TRIO: variants seen among roughly 807,000 people sequenced by gnomAD.
The protein encoded by TRIO is triple functional domain protein.
TRIO carries 58 observed loss-of-function variants against 351.9 expected under a neutral mutation model. The ratio of observed to expected loss-of-function variants is 0.16; its 90% confidence interval spans 0.13 to 0.21. TRIO has a LOEUF of 0.21. Ranked by LOEUF, TRIO falls within the 10% of genes least tolerant of loss-of-function variation. TRIO has a pLI of 1.00. For synonymous variants in TRIO, 1,758 were observed against 1,595.7 expected (o/e 1.10, Z -2.42); for missense variants, 3,201 against 4,027.8 (o/e 0.79, Z 5.56).
rs757595983 is a variant in TRIO at position 14,504,550 on chromosome 5, G to A, written c.8569G>A (p.Asp2857Asn). The A allele has an allele frequency of 1.2e-6, 2 of 1,614,024 alleles. No homozygotes were observed. Among genetic ancestry groups the A allele is most frequent in the East Asian group, 4.5e-5 (2 of 44,866 alleles). The change falls in exon 55 of 57, where the codon GAC (aspartate) becomes AAC (asparagine). Residue 2857 changes from aspartate to asparagine, a missense_variant. Physicochemically the swap from Asp to Asn is conservative, Grantham distance 23. This residue lies in a region of TRIO where 1,089 missense variants were observed against 954.9 expected (regional missense o/e 1.14). Coordinates refer to ENST00000344204, the MANE Select transcript of TRIO (RefSeq NM_007118.4). ...GCACCCCCTGCTTGTCGGCCTCCTCGACACCTTTGAGACCCCCACCAGCTA... is the reference window on the plus strand; with the variant it reads ...GCACCCCCTGCTTGTCGGCCTCCTCAACACCTTTGAGACCCCCACCAGCTA... ...LQHPLLVGLL[D>N]TFETPTSYIL... is the part of the protein sequence containing the mutation.
intron 1 of TRIO, among the ~76,000 whole-genome samples, chr5:14,260,240 C>T (rs1004568006): frequency 3.3e-5 from 5 of 152,106 alleles, no homozygotes; most frequent in African/African-American, 9.7e-5. Flanking sequence ...AAAAGTAACA[C>T]TTTTAAATGG....
At chr5:14,303,176 T>C (rs548228297) in intron 7 of TRIO, among the ~76,000 whole-genome samples, 86 of 123,550 alleles carry the variant, frequency 7.0e-4, no homozygotes, top group African/African-American at 2.3e-3. Flanking sequence ...TTGGGATGGC[T>C]GCCGCAGGAC....
intron 31 of TRIO, among the ~76,000 whole-genome samples, chr5:14,404,124 C>T (rs1364029846): frequency 2.0e-5 from 3 of 151,428 alleles, no homozygotes; most frequent in Admixed American, 6.6e-5. Context: ...GTAGAGGTAT[C>T]GTGCTGCTGG....
At chr5:14,318,279 CAAAAAAAAAAAAA>C (rs759632595) in intron 9 of TRIO, among the ~76,000 whole-genome samples, 1 of 46,478 alleles carries the variant, frequency 2.2e-5, no homozygotes, top group Non-Finnish European at 4.1e-5. Context: ...GACTCTATCT[CAAAAAAAAAAAAA>C]AAAAAAAAAA....
At chr5:14,448,417 C>G (rs1485560702) in intron 34 of TRIO, among the ~76,000 whole-genome samples, 3 of 152,244 alleles carry the variant, frequency 2.0e-5, no homozygotes, top group African/African-American at 4.8e-5. Context: ...TGGGTTGTCT[C>G]ACAGCAGGCC....
chr5:14,336,676 G>C lies in TRIO; in HGVS notation c.1995G>C (p.Gln665His). The C allele has an allele frequency of 6.2e-7, 1 of 1,614,244 alleles. No homozygotes were observed. Among genetic ancestry groups the C allele is most frequent in the Non-Finnish European group, 8.5e-7 (1 of 1,180,044 alleles). The change falls in exon 11 of 57, where the codon CAG (glutamine) becomes CAC (histidine). Residue 665 changes from glutamine (Q) to histidine (H), a missense_variant. Physicochemically the swap from Gln to His is conservative, Grantham distance 24. This residue lies in a region of TRIO where 363 missense variants were observed against 553.5 expected (regional missense o/e 0.66). Transcript: ENST00000344204. ...RIQDFVRRVE[Q>H]RKILLDMSVS... ...AAGATTTCGTTCGGCGTGTTGAGCAGCGAAAGATCCTACTGGACATGTCAG... is the reference window on the plus strand; with the variant it reads ...AAGATTTCGTTCGGCGTGTTGAGCACCGAAAGATCCTACTGGACATGTCAG...
chr5:14,464,205 T>TA (rs1471872931), intron 36 of TRIO, among the ~76,000 whole-genome samples: 2 of 152,188 alleles, frequency 1.3e-5, no homozygotes, highest in African/African-American at 2.4e-5. Context: ...TATTTTGTAA[T>TA]ACGCTAAGCC....
chr5:14,447,101 G>A (rs114257151), intron 34 of TRIO, among the ~76,000 whole-genome samples: 2,227 of 152,134 alleles, frequency 0.015, 20 homozygotes, highest in Non-Finnish European at 0.02. Flanking sequence ...GTGTGGTGGC[G>A]GGCACCTATA....
Position 14,497,086 on chromosome 5 carries a change from C to A in TRIO, c.8019+69C>A. The A allele has an allele frequency of 6.4e-7, 1 of 1,574,392 alleles. No homozygotes were observed. Among genetic ancestry groups the A allele is most frequent in the Non-Finnish European group, 8.6e-7 (1 of 1,159,678 alleles). On this transcript the variant is annotated intron_variant, in intron 50 of 56. Coordinates refer to ENST00000344204, the MANE Select transcript of TRIO (RefSeq NM_007118.4). The surrounding 1 kb of genome is among the most constrained non-coding windows in gnomAD (Gnocchi z 4.4). ...GAGAAAGGATCAGGGAGGGCAGAGA[C>A]TCTGCAGACCTGAAGCTGGGCTTGC...
At chr5:14,159,568 T>G (rs1464752922) in intron 1 of TRIO, among the ~76,000 whole-genome samples, 1 of 151,522 alleles carries the variant, frequency 6.6e-6, no homozygotes, top group Non-Finnish European at 1.5e-5. Flanking sequence ...GCTTTATATT[T>G]TTTTTCTTTT....
intron 11 of TRIO, among the ~76,000 whole-genome samples, chr5:14,351,654 A>G (rs1236156060): frequency 6.6e-6 from 1 of 152,242 alleles, no homozygotes. Context: ...TTCATTACAT[A>G]CAGGAGAAAA....
chr5:14,444,757 A>G (rs1752314470), intron 34 of TRIO, among the ~76,000 whole-genome samples: 1 of 152,250 alleles, frequency 6.6e-6, no homozygotes, highest in South Asian at 2.1e-4. Flanking sequence ...GAATTTGTAT[A>G]TATTTTTAGC....
At chr5:14,412,495 T>C (rs1318300345) in intron 33 of TRIO, among the ~76,000 whole-genome samples, 1 of 152,202 alleles carries the variant, frequency 6.6e-6, no homozygotes, top group African/African-American at 2.4e-5. Flanking sequence ...GCATTCAGCC[T>C]CCCGAGGTTG....
intron 11 of TRIO, among the ~76,000 whole-genome samples, chr5:14,349,909 G>T (rs1742894838): frequency 6.6e-6 from 1 of 152,106 alleles, no homozygotes; most frequent in South Asian, 2.1e-4. Context: ...CCTAGTGTCT[G>T]TTGTTCCTCT....
At chr5:14,296,762 G>A (rs569347044) in intron 6 of TRIO, among the ~76,000 whole-genome samples, 37 of 152,328 alleles carry the variant, frequency 2.4e-4, no homozygotes, top group African/African-American at 8.4e-4. Flanking sequence ...TTGAAGCCAA[G>A]AAGTGAGTAA....
chr5:14,360,085 C>A (rs1744007353), intron 13 of TRIO, among the ~76,000 whole-genome samples: 1 of 152,116 alleles, frequency 6.6e-6, no homozygotes, highest in Admixed American at 6.5e-5. Context: ...TCTTGCCCTT[C>A]TCTCTTCTAG....
intron 8 of TRIO, among the ~76,000 whole-genome samples, chr5:14,307,587 G>A (rs976453000): frequency 2.6e-5 from 4 of 152,188 alleles, no homozygotes; most frequent in African/African-American, 9.7e-5. Flanking sequence ...TGACCTCTCC[G>A]GCTATGAGTA....
chr5:14,409,101 A>G (rs1748964197), intron 33 of TRIO, among the ~76,000 whole-genome samples: 1 of 152,068 alleles, frequency 6.6e-6, no homozygotes, highest in Non-Finnish European at 1.5e-5. Flanking sequence ...TGGTGCCACG[A>G]CTTATCTCCT....
intron 1 of TRIO, among the ~76,000 whole-genome samples, chr5:14,149,060 C>A (rs1787676505): frequency 6.6e-6 from 1 of 152,182 alleles, no homozygotes; most frequent in South Asian, 2.1e-4. Context: ...GGGAGCTGTT[C>A]TGGGAATTCC....
Sources: allele counts gnomAD v4.1 joint callset (sites outside exome capture counted in the v4.1 genomes callset), GRCh38; gene constraint gnomAD v4.1.1; regional missense constraint gnomAD v4.1.1; non-coding constraint Gnocchi (gnomAD v3.1); transcripts MANE v1.5; gene names NCBI Gene and HGNC (gene_info 2026-07-23, HGNC 2026-07-21).